LIPA: variants seen among roughly 807,000 people sequenced by gnomAD.
LIPA encodes lysosomal acid lipase/cholesteryl ester hydrolase.
Under a neutral mutation model 40.6 loss-of-function variants are expected in LIPA, and 26 were observed. That is an observed-to-expected ratio of 0.64 (90% confidence interval 0.47 to 0.89). The LOEUF is 0.89. Ranked by LOEUF, LIPA falls within the 40% of genes least tolerant of loss-of-function variation. The pLI is 0.00. For missense variants in LIPA, 455 were observed against 479.6 expected (o/e 0.95, Z 0.48); for synonymous variants, 188 against 168.4 (o/e 1.12, Z -0.90).
intron 2 of LIPA, among the ~76,000 whole-genome samples, chr10:89,389,404 A>C (rs1374635982): frequency 6.6e-6 from 1 of 152,240 alleles, no homozygotes; most frequent in Non-Finnish European, 1.5e-5. Context: ...TCTGCAGTAC[A>C]AACTGATGGA....
chr10:89,312,583 C>T (rs908808591), intron 1 of LIPA, among the ~76,000 whole-genome samples: 5 of 151,902 alleles, frequency 3.3e-5, no homozygotes, highest in Admixed American at 6.6e-5. Flanking sequence ...CTGAGGCGGG[C>T]GGATCACGAG....
chr10:89,347,732 A>G (rs528951770), intron 2 of LIPA, among the ~76,000 whole-genome samples: 3 of 152,164 alleles, frequency 2.0e-5, no homozygotes, highest in Admixed American at 6.5e-5. Context: ...AAGTCCAGAG[A>G]GCTTCCTCCG....
chr10:89,275,682 A>C (rs1222986867), intron 1 of LIPA, among the ~76,000 whole-genome samples: 1 of 152,204 alleles, frequency 6.6e-6, no homozygotes, highest in Admixed American at 6.5e-5. Context: ...AGAGATATCG[A>C]GTGAAACTGG....
At chr10:89,291,705 A>G (rs1270143885) in intron 1 of LIPA, among the ~76,000 whole-genome samples, 1 of 152,276 alleles carries the variant, frequency 6.6e-6, no homozygotes, top group Middle Eastern at 3.4e-3. Context: ...ATTATGTTCT[A>G]TGTTTGGGAA....
intron 1 of LIPA, among the ~76,000 whole-genome samples, chr10:89,319,407 A>G (rs1222684210): frequency 6.6e-6 from 1 of 152,212 alleles, no homozygotes; most frequent in Admixed American, 6.5e-5. Context: ...AGAAATACAA[A>G]CTATCATCAG....
chr10:89,387,055 G>A (rs927510465), intron 2 of LIPA, among the ~76,000 whole-genome samples: 2 of 151,992 alleles, frequency 1.3e-5, no homozygotes, highest in Non-Finnish European at 2.9e-5. Flanking sequence ...CGTGGCTCAC[G>A]CCTGTAATCC....
intron 2 of LIPA, among the ~76,000 whole-genome samples, chr10:89,353,775 C>T (rs1295809328): frequency 6.6e-6 from 1 of 151,988 alleles, no homozygotes; most frequent in Non-Finnish European, 1.5e-5. Context: ...CCCGTCTCTA[C>T]TAAAAATACA....
chr10:89,336,774 T>C (rs17119610), intron 1 of LIPA, among the ~76,000 whole-genome samples: 1,748 of 152,314 alleles, frequency 0.011, 27 homozygotes, highest in African/African-American at 0.04. Context: ...ATTGTGCTTG[T>C]CTGTGAAATC....
intron 2 of LIPA, chr10:89,384,198 C>T: frequency 6.2e-7 from 1 of 1,614,118 alleles, no homozygotes; most frequent in Non-Finnish European, 8.5e-7. Context: ...GGCTTTGCTA[C>T]AGGGCACAAA....
chr10:89,222,628 G>T, intron 7 of LIPA, 46 bp from the exon 8 acceptor site: 1 of 1,177,394 alleles, frequency 8.5e-7, no homozygotes, highest in Non-Finnish European at 1.3e-6. Context: ...CAGCATTAAG[G>T]TGGCATTGAT....
chr10:89,308,878 G>A (rs1843500039), intron 1 of LIPA: 1 of 152,126 alleles, frequency 6.6e-6, no homozygotes, highest in Non-Finnish European at 1.5e-5. Context: ...TCCTGAAAAT[G>A]TCATATATTT....
At chr10:89,225,252 CAGGA>C in intron 5 of LIPA, 24 bp from the exon 6 acceptor site, 1 of 1,613,890 alleles carries the variant, frequency 6.2e-7, no homozygotes, top group Non-Finnish European at 8.5e-7. Context: ...GGACAGAAAA[CAGGA>C]ATTCCATCAT....
At chr10:89,403,156 G>A in intron 2 of LIPA, 1 of 1,613,954 alleles carries the variant, frequency 6.2e-7, no homozygotes. Flanking sequence ...ATAGGGCTTT[G>A]CTACAAGGCA....
chr10:89,307,102 G>A (rs766194472), intron 1 of LIPA: 82 of 1,613,922 alleles, frequency 5.1e-5, no homozygotes, highest in Non-Finnish European at 6.6e-5. Context: ...ACTTTCAGCT[G>A]TACCAAATGA....
chr10:89,346,859 A>G (rs17119790), upstream of LIPA, among the ~76,000 whole-genome samples: 10,536 of 152,240 alleles, frequency 0.069, 918 homozygotes, highest in African/African-American at 0.2. Context: ...TGGAAAGAAA[A>G]TCTTACAAAG....
chr10:89,404,678 G>C (rs1375228082), intron 2 of LIPA: 1 of 152,312 alleles, frequency 6.6e-6, no homozygotes, highest in African/African-American at 2.4e-5. Context: ...AGGAGAGGAG[G>C]CTGCAGTGGC....
rs962001725 is a variant in LIPA at position 89,221,208 on chromosome 10, C to A, written c.894+1303G>T. Among the ~76,000 whole-genome samples the A allele has an allele frequency of 7.9e-5, 12 of 151,636 alleles. No individual in the cohort carries two copies. The East Asian group carries it at 1.8e-3, about 22-fold the overall frequency. On this transcript the variant is annotated intron_variant, in intron 8 of 9. Transcript: ENST00000336233. ...CTTTAAATATTCTATGTCACTTATACCTCAATAAAAAATTTTTTTTTAAAA... is the reference window on the plus strand; with the variant it reads ...CTTTAAATATTCTATGTCACTTATAACTCAATAAAAAATTTTTTTTTAAAA...
Position 89,232,683 on chromosome 10 carries a change from T to C in LIPA, c.230-4285A>G, listed in dbSNP as rs527844761. 2.0e-5 allele frequency among the ~76,000 whole-genome samples: 3 copies of C among 152,166 alleles called. 1 individual carries two copies. In the South Asian group the frequency reaches 6.2e-4, roughly 32 times the overall value. On this transcript the variant is annotated intron_variant, in intron 3 of 9. Coordinates refer to ENST00000336233, the MANE Select transcript of LIPA (RefSeq NM_000235.4). ...CCAGGACAGAGGCTGGAAGGGGAGATGTTGGCCAGCACATGGGACCAGGAC... is the reference window on the plus strand; with the variant it reads ...CCAGGACAGAGGCTGGAAGGGGAGACGTTGGCCAGCACATGGGACCAGGAC...
At chr10:89,228,052 G>A (rs1354870050) in intron 4 of LIPA, 148 bp downstream of exon 4, 9 of 685,860 alleles carry the variant, frequency 1.3e-5, no homozygotes, top group Non-Finnish European at 2.4e-5. Context: ...TAAATTCCTA[G>A]CAACATTTAA....
Sources: gnomAD v4.1 joint callset for allele counts (sites outside exome capture counted in the v4.1 genomes callset) on GRCh38, gnomAD v4.1.1 for gene constraint, MANE v1.5 for transcripts, NCBI Gene and HGNC (gene_info 2026-07-23, HGNC 2026-07-21) for gene names.